PEBP4: variants seen among roughly 807,000 people sequenced by gnomAD.
The protein encoded by PEBP4 is phosphatidylethanolamine binding protein 4, also known as phosphatidylethanolamine-binding protein 4.
A neutral mutation model predicts 23.9 loss-of-function variants in PEBP4; 22 were observed. The observed-to-expected ratio is 0.92, with a 90% CI of 0.66 to 1.31. The LOEUF (loss-of-function observed/expected upper bound fraction) is 1.31. Ranked by LOEUF, PEBP4 falls within the 40% of genes most tolerant of loss-of-function variation. PEBP4 has a pLI of 0.00. For missense variants in PEBP4, 324 were observed against 281.7 expected (o/e 1.15, Z -1.07); for synonymous variants, 112 against 99.3 (o/e 1.13, Z -0.76).
chr8:22,881,712 C>T (rs1179846713), intron 3 of PEBP4, among the ~76,000 whole-genome samples: 1 of 152,168 alleles, frequency 6.6e-6, no homozygotes, highest in African/African-American at 2.4e-5. Context: ...CACACTCAAG[C>T]CATCCAGTCC....
intron 3 of PEBP4, among the ~76,000 whole-genome samples, chr8:22,880,854 C>T (rs1296238989): frequency 6.6e-6 from 1 of 152,230 alleles, no homozygotes; most frequent in African/African-American, 2.4e-5. Flanking sequence ...CCAGGAGCTT[C>T]TATAGACCTC....
intron 3 of PEBP4, among the ~76,000 whole-genome samples, chr8:22,892,027 C>T (rs1365198436): frequency 4.0e-5 from 6 of 151,390 alleles, no homozygotes; most frequent in South Asian, 2.1e-4. Flanking sequence ...GAGCCGAGAT[C>T]GCGCCACTGC....
At chr8:22,738,479 C>T (rs1337556813) in intron 4 of PEBP4, among the ~76,000 whole-genome samples, 3 of 152,130 alleles carry the variant, frequency 2.0e-5, no homozygotes, top group African/African-American at 4.8e-5. Context: ...GCAAGGGAAG[C>T]GCAGCAGTGG....
At chr8:22,863,719 T>TAG (rs1351571156) in intron 3 of PEBP4, among the ~76,000 whole-genome samples, 1 of 152,166 alleles carries the variant, frequency 6.6e-6, no homozygotes, top group Non-Finnish European at 1.5e-5. Context: ...AGGGTGGGTC[T>TAG]CTGCCCTCCA....
chr8:22,871,758 T>C (rs59690044), intron 3 of PEBP4, among the ~76,000 whole-genome samples: 3,189 of 152,148 alleles, frequency 0.021, 115 homozygotes, highest in African/African-American at 0.071. Context: ...TTCACTATGT[T>C]GGCCAGGATG....
chr8:22,884,106 G>A (rs1391472186), intron 3 of PEBP4: 2 of 152,224 alleles, frequency 1.3e-5, no homozygotes, highest in African/African-American at 2.4e-5. Flanking sequence ...CCAGTGAAGA[G>A]CCACGTAGAA....
intron 4 of PEBP4, among the ~76,000 whole-genome samples, chr8:22,802,146 G>A (rs1327191191): frequency 6.6e-6 from 1 of 152,078 alleles, no homozygotes; most frequent in African/African-American, 2.4e-5. Context: ...TCGTCTCTCT[G>A]CGAAGCAACA....
At chr8:22,860,126 AAAAAAAG>A (rs1807735777) in intron 3 of PEBP4, among the ~76,000 whole-genome samples, 1 of 147,296 alleles carries the variant, frequency 6.8e-6, no homozygotes, top group Admixed American at 6.8e-5. Flanking sequence ...CAAAAAAAAA[AAAAAAAG>A]AAAAAGAAAA....
chr8:22,879,137 T>A (rs1808189626), intron 3 of PEBP4, among the ~76,000 whole-genome samples: 1 of 152,090 alleles, frequency 6.6e-6, no homozygotes, highest in Non-Finnish European at 1.5e-5. Flanking sequence ...GAAGCAAATA[T>A]CCCCAGTGAC....
At chr8:22,757,279 C>G (rs1051204441) in intron 4 of PEBP4, 1 of 152,226 alleles carries the variant, frequency 6.6e-6, no homozygotes, top group Non-Finnish European at 1.5e-5. Context: ...GTACTCACAC[C>G]ACGGTGACTC....
chr8:22,863,359 T>A (rs1467510226), intron 3 of PEBP4, among the ~76,000 whole-genome samples: 2 of 152,176 alleles, frequency 1.3e-5, no homozygotes, highest in Non-Finnish European at 2.9e-5. Flanking sequence ...ATTCAGGTGT[T>A]CAAAAAATGA....
Position 22,920,219 on chromosome 8 carries a change from T to G in PEBP4, c.223A>C (p.Met75Leu). 6.2e-7 allele frequency: 1 copy of G among 1,613,306 alleles called. No individual in the cohort carries two copies. Among genetic ancestry groups the G allele is most frequent in the South Asian group, 1.1e-5 (1 of 91,000 alleles). ...NNYRQKITSW[M>L]EPIVKFPGAV... is the part of the protein sequence containing the mutation. ...CCCGGGAACTTGACTATCGGCTCCA[T>G]CCAGGAGGTGATCTTCTGTCTGTAG... The change falls in exon 3 of 7, where the codon ATG (methionine) becomes CTG (leucine). Residue 75 changes from methionine to leucine, a missense_variant. By Grantham distance (15) the Met-to-Leu change is conservative (BLOSUM62 2). Transcript: ENST00000256404.
chr8:22,749,100 C>T (rs4872545), intron 4 of PEBP4, among the ~76,000 whole-genome samples: 136,188 of 152,100 alleles, frequency 0.9, 61,536 homozygotes, highest in East Asian at 1. Flanking sequence ...ACCAGTGGAG[C>T]TTCTGCATCT....
At chr8:22,755,882 C>T (rs941992614) in intron 4 of PEBP4, 1 of 152,202 alleles carries the variant, frequency 6.6e-6, no homozygotes, top group African/African-American at 2.4e-5. Context: ...TAGAGTCCCT[C>T]TCTCTGAACA....
chr8:22,927,143 A>G (rs1809356537), intron 2 of PEBP4, among the ~76,000 whole-genome samples: 1 of 152,152 alleles, frequency 6.6e-6, no homozygotes, highest in South Asian at 2.1e-4. Context: ...GGGTCCTATC[A>G]CTGACAAAAA....
At chr8:22,748,718 T>C (rs1805182764) in intron 4 of PEBP4, among the ~76,000 whole-genome samples, 1 of 152,014 alleles carries the variant, frequency 6.6e-6, no homozygotes, top group Non-Finnish European at 1.5e-5. Context: ...TGGGGTTCCC[T>C]ATAAGCAAGA....
intron 3 of PEBP4, among the ~76,000 whole-genome samples, chr8:22,909,651 C>T (rs1318772754): frequency 6.6e-6 from 1 of 152,150 alleles, no homozygotes; most frequent in Non-Finnish European, 1.5e-5. Flanking sequence ...GGTTGCTCTC[C>T]ACCCACCAGA....
chr8:22,834,266 T>C (rs1807153027), intron 3 of PEBP4, among the ~76,000 whole-genome samples: 1 of 152,236 alleles, frequency 6.6e-6, no homozygotes, highest in Non-Finnish European at 1.5e-5. Flanking sequence ...AAGAGCCTTC[T>C]TCCTGGGGGA....
chr8:22,865,488 C>T lies in PEBP4; in HGVS notation c.259-47753G>A, dbSNP rs573434859. On this transcript the variant is annotated intron_variant, in intron 3 of 6. Transcript: ENST00000256404. This position sits in a 1 kb window ranked among gnomAD's most constrained non-coding sequence, Gnocchi z 6.9. The stretch of plus-strand genomic sequence containing the variant: ...CGAGGTGGAGCGCGCCACCGCCCCC[C>T]CGGCCGCGCAGCGAGAAGGAGCCTC... Among the ~76,000 whole-genome samples the T allele has an allele frequency of 4.0e-5, 6 of 151,462 alleles. No individual in the cohort carries two copies. Among genetic ancestry groups the T allele is most frequent in the African/African-American group, 1.4e-4 (6 of 41,548 alleles).
Sources: gnomAD v4.1 joint callset for allele counts (sites outside exome capture counted in the v4.1 genomes callset) on GRCh38, gnomAD v4.1.1 for gene constraint, Gnocchi (gnomAD v3.1) non-coding constraint, MANE v1.5 for transcripts, NCBI Gene and HGNC (gene_info 2026-07-23, HGNC 2026-07-21) for gene names.